Variants in NEGR1 observed in about 807,000 individuals in gnomAD.
NEGR1 encodes neuronal growth regulator 1.
NEGR1 carries 10 observed loss-of-function variants against 40.9 expected under a neutral mutation model. The ratio of observed to expected loss-of-function variants is 0.24; its 90% CI spans 0.15 to 0.42. The LOEUF is 0.42. Among genes scored for constraint, NEGR1 ranks in the 10% least tolerant of loss-of-function variants. The pLI, the probability that NEGR1 is intolerant of heterozygous loss-of-function variation, is 1.00. For missense variants in NEGR1, 352 were observed against 438.9 expected (o/e 0.80, Z 1.77); for synonymous variants, 185 against 166.8 (o/e 1.11, Z -0.84).
chr1:72,147,891 C>A (rs1266030359), intron 1 of NEGR1, among the ~76,000 whole-genome samples: 1 of 151,926 alleles, frequency 6.6e-6, no homozygotes, highest in South Asian at 2.1e-4. Context: ...CCAGGTCACA[C>A]TGATGCAAGA....
chr1:71,502,001 C>A (rs1049280233), intron 6 of NEGR1, among the ~76,000 whole-genome samples: 1 of 152,124 alleles, frequency 6.6e-6, no homozygotes, highest in Non-Finnish European at 1.5e-5. Flanking sequence ...AAAAGTGATT[C>A]TACTTAAACT....
chr1:71,449,056 C>T (rs1646604928), intron 6 of NEGR1, among the ~76,000 whole-genome samples: 4 of 152,104 alleles, frequency 2.6e-5, no homozygotes, highest in South Asian at 4.1e-4. Flanking sequence ...TACTTTGAGG[C>T]GTGATGACAT....
chr1:72,154,198 A>G (rs1651271350), intron 1 of NEGR1, among the ~76,000 whole-genome samples: 1 of 151,838 alleles, frequency 6.6e-6, no homozygotes, highest in Non-Finnish European at 1.5e-5. Flanking sequence ...GATGCAATGA[A>G]GAGGGAGACA....
chr1:72,084,500 TTA>T (rs1648131859), intron 1 of NEGR1, among the ~76,000 whole-genome samples: 1 of 152,218 alleles, frequency 6.6e-6, no homozygotes, highest in Non-Finnish European at 1.5e-5. Flanking sequence ...TCAAAATACA[TTA>T]TGTTTTACTT....
At chr1:72,210,701 T>A (rs1203594364) in intron 1 of NEGR1, among the ~76,000 whole-genome samples, 1 of 151,944 alleles carries the variant, frequency 6.6e-6, no homozygotes, top group Non-Finnish European at 1.5e-5. Flanking sequence ...GAAATGTGAA[T>A]CTTTTATGAT....
chr1:72,278,108 G>A (rs567822541), intron 1 of NEGR1, among the ~76,000 whole-genome samples: 3 of 152,072 alleles, frequency 2.0e-5, no homozygotes, highest in South Asian at 4.2e-4. Flanking sequence ...GTAGAAATAC[G>A]CCCTAAGCAA....
chr1:72,081,075 A>G (rs1647976061), intron 1 of NEGR1, among the ~76,000 whole-genome samples: 1 of 152,154 alleles, frequency 6.6e-6, no homozygotes, highest in South Asian at 2.1e-4. Context: ...GGAAAAATGC[A>G]CTGTGGATAA....
chr1:71,616,708 T>C (rs1228840), intron 4 of NEGR1, among the ~76,000 whole-genome samples: 141,477 of 152,170 alleles, frequency 0.93, 66,659 homozygotes, highest in East Asian at 1. Context: ...CACTTCTGTC[T>C]GTACCTTTTT....
chr1:71,706,925 G>A (rs749640134), intron 3 of NEGR1, among the ~76,000 whole-genome samples: 87 of 152,020 alleles, frequency 5.7e-4, no homozygotes, highest in Non-Finnish European at 1.1e-3. Flanking sequence ...ATTACCAGCT[G>A]ATGATTCTGG....
intron 2 of NEGR1, among the ~76,000 whole-genome samples, chr1:71,880,281 T>C (rs930688273): frequency 2.0e-5 from 3 of 152,128 alleles, no homozygotes; most frequent in African/African-American, 7.2e-5. Flanking sequence ...ATATTAGATT[T>C]ATTACTCATA....
intron 1 of NEGR1, among the ~76,000 whole-genome samples, chr1:71,950,205 G>A (rs1646057035): frequency 6.6e-6 from 1 of 151,956 alleles, no homozygotes; most frequent in Non-Finnish European, 1.5e-5. Context: ...CTGTGTGGCA[G>A]TAACTCCTTC....
At chr1:71,756,307 G>C (rs1655729491) in intron 3 of NEGR1, among the ~76,000 whole-genome samples, 1 of 150,874 alleles carries the variant, frequency 6.6e-6, no homozygotes, top group Admixed American at 6.7e-5. Flanking sequence ...AAACTAATCT[G>C]TAGGGCAACT....
chr1:72,054,806 G>A (rs1647095781), intron 1 of NEGR1, among the ~76,000 whole-genome samples: 1 of 150,854 alleles, frequency 6.6e-6, no homozygotes, highest in African/African-American at 2.4e-5. Flanking sequence ...GGATATTGGG[G>A]AGAAATAAAT....
intron 1 of NEGR1, among the ~76,000 whole-genome samples, chr1:72,240,778 CAG>C (rs1394826199): frequency 1.3e-5 from 2 of 151,796 alleles, no homozygotes; most frequent in Non-Finnish European, 2.9e-5. Flanking sequence ...ATGGCTTCAC[CAG>C]AGAGTTCTTT....
At chr1:71,790,427 T>G (rs1207337393) in intron 2 of NEGR1, among the ~76,000 whole-genome samples, 1 of 152,112 alleles carries the variant, frequency 6.6e-6, no homozygotes, top group African/African-American at 2.4e-5. Flanking sequence ...AACACACAGA[T>G]GTTATTTTGC....
intron 6 of NEGR1, among the ~76,000 whole-genome samples, chr1:71,568,159 G>A (rs965843489): frequency 6.6e-6 from 1 of 152,136 alleles, no homozygotes; most frequent in Non-Finnish European, 1.5e-5. Context: ...TTGTCAGTTG[G>A]ATTATTGACT....
chr1:71,978,445 A>G (rs11209878), intron 1 of NEGR1, among the ~76,000 whole-genome samples: 19,175 of 152,138 alleles, frequency 0.13, 1,640 homozygotes, highest in East Asian at 0.43. Context: ...GTGACACACT[A>G]GAAAGATCAT....
intron 1 of NEGR1, among the ~76,000 whole-genome samples, chr1:71,991,222 C>A (rs1326433489): frequency 6.6e-6 from 1 of 152,114 alleles, no homozygotes; most frequent in Non-Finnish European, 1.5e-5. Flanking sequence ...AATCTACCCT[C>A]TACTCCTCTG....
intron 1 of NEGR1, among the ~76,000 whole-genome samples, chr1:72,026,943 T>C (rs1646816001): frequency 1.3e-5 from 2 of 152,148 alleles, no homozygotes; most frequent in Non-Finnish European, 2.9e-5. Context: ...TGGTTTTTTT[T>C]GAGACGGAGT....
Sources: gnomAD v4.1 joint callset for allele counts (sites outside exome capture counted in the v4.1 genomes callset) on GRCh38, gnomAD v4.1.1 for gene constraint, MANE v1.5 for transcripts, NCBI Gene and HGNC (gene_info 2026-07-23, HGNC 2026-07-21) for gene names.